The following ADORA2B variants were observed in gnomAD, a reference collection of about 807,000 sequenced individuals.
ADORA2B encodes the protein adenosine A2b receptor, also known as adenosine receptor A2b.
ADORA2B carries 18 observed loss-of-function variants against 20.8 expected under a neutral mutation model. The observed-to-expected ratio is 0.87, with a 90% CI of 0.60 to 1.29. The LOEUF (loss-of-function observed/expected upper bound fraction) is 1.29, where lower values mean the gene tolerates loss of function less well. Among genes scored for constraint, ADORA2B ranks in the 50% most tolerant of loss-of-function variants. The probability of loss-of-function intolerance (pLI) is 0.00; values close to 1 mark genes in which losing one functional copy is unlikely to be tolerated. For missense variants in ADORA2B, 441 were observed against 422.7 expected, an observed-to-expected ratio of 1.04 and a Z score of -0.38; for synonymous variants, 179 against 178.3, an observed-to-expected ratio of 1.00 and a Z score of -0.03.
upstream of ADORA2B, among the ~76,000 whole-genome samples, chr17:15,944,753 C>T (rs980448612): frequency 2.0e-5 from 3 of 152,108 alleles, no homozygotes; most frequent in Non-Finnish European, 2.9e-5. This position sits in a 1 kb window ranked among gnomAD's most constrained non-coding sequence, Gnocchi z 4.8. Flanking sequence ...GGAGTGAGCT[C>T]GCCCCGCCCG....
chr17:15,928,826 TGAG>T, the ADORA2B span, among the ~76,000 whole-genome samples: 3 of 151,746 alleles, frequency 2.0e-5, no homozygotes, highest in Non-Finnish European at 4.4e-5. Flanking sequence ...AAGGACAGTG[TGAG>T]GAGGATGAGA....
At chr17:15,961,834 T>TA (rs1480828243) in intron 1 of ADORA2B, among the ~76,000 whole-genome samples, 22 of 152,064 alleles carry the variant, frequency 1.4e-4, no homozygotes, top group African/African-American at 5.3e-4. Flanking sequence ...ACTCTTAAGA[T>TA]AAAAAACCCA....
the ADORA2B span, among the ~76,000 whole-genome samples, chr17:15,923,206 A>ATTTTT: frequency 0.021 from 2,382 of 113,018 alleles, 86 homozygotes; most frequent in African/African-American, 0.034. Context: ...TCTTTTTTTA[A>ATTTTT]TTTTTTTTTT....
At chr17:15,862,540 T>TA in the ADORA2B span, among the ~76,000 whole-genome samples, 1 of 152,188 alleles carries the variant, frequency 6.6e-6, no homozygotes, top group Non-Finnish European at 1.5e-5. Flanking sequence ...TTTGGTGTCT[T>TA]ACGCTATTTC....
At chr17:15,867,810 G>A in the ADORA2B span, among the ~76,000 whole-genome samples, 3 of 145,608 alleles carry the variant, frequency 2.1e-5, no homozygotes, top group East Asian at 2.0e-4. Context: ...GCCTCTGCCC[G>A]GCCGCCCCTA....
the ADORA2B span, among the ~76,000 whole-genome samples, chr17:15,857,475 T>G: frequency 3.9e-5 from 6 of 152,148 alleles, no homozygotes; most frequent in African/African-American, 1.4e-4. Context: ...GTGTGTACCG[T>G]GCACCCAGAA....
At chr17:15,944,957 C>T (rs1969778862), upstream of ADORA2B, 1 of 241,636 alleles carries the variant, frequency 4.1e-6, no homozygotes, top group East Asian at 8.5e-5. This position sits in a 1 kb window ranked among gnomAD's most constrained non-coding sequence, Gnocchi z 4.8. Context: ...AGACGCGGCA[C>T]GGCGCCTGGA....
the ADORA2B span, among the ~76,000 whole-genome samples, chr17:15,861,378 A>G: frequency 5.9e-5 from 9 of 152,050 alleles, no homozygotes; most frequent in Non-Finnish European, 1.0e-4. Context: ...CTCTGTCAGT[A>G]TTTGTTGGGT....
intron 1 of ADORA2B, among the ~76,000 whole-genome samples, chr17:15,949,846 C>G (rs951226554): frequency 1.1e-4 from 17 of 151,990 alleles, no homozygotes; most frequent in African/African-American, 3.9e-4. Context: ...TAGCGAAACT[C>G]TGTCTCAAAA....
the ADORA2B span, among the ~76,000 whole-genome samples, chr17:15,909,905 GCAGAGCCCTCCC>G: frequency 1.6e-4 from 24 of 152,340 alleles, no homozygotes; most frequent in African/African-American, 5.3e-4. Flanking sequence ...CTGAGTGGCA[GCAGAGCCCTCCC>G]CAGAGCCGCC....
chr17:15,958,342 T>C (rs1969996332), intron 1 of ADORA2B, among the ~76,000 whole-genome samples: 1 of 152,156 alleles, frequency 6.6e-6, no homozygotes, highest in African/African-American at 2.4e-5. Context: ...AAACTCTCCC[T>C]CCATTCACTT....
At chr17:15,866,845 G>C in the ADORA2B span, among the ~76,000 whole-genome samples, 1 of 152,128 alleles carries the variant, frequency 6.6e-6, no homozygotes, top group African/African-American at 2.4e-5. Context: ...GCCAAAGCTG[G>C]ACTGTACTGC....
the ADORA2B span, among the ~76,000 whole-genome samples, chr17:15,891,912 A>G: frequency 3.7e-5 from 5 of 134,060 alleles, no homozygotes; most frequent in Non-Finnish European, 7.6e-5. Flanking sequence ...CAGTGGTATG[A>G]TCTTGGCTCA....
At chr17:15,911,344 G>C in the ADORA2B span, among the ~76,000 whole-genome samples, 2 of 152,220 alleles carry the variant, frequency 1.3e-5, no homozygotes, top group Admixed American at 1.3e-4. Context: ...AAGTGGTTGA[G>C]TTGTTGGTTG....
chr17:15,875,442 T>C, the ADORA2B span, among the ~76,000 whole-genome samples: 6 of 152,382 alleles, frequency 3.9e-5, no homozygotes, highest in Admixed American at 3.9e-4. Context: ...ATTGTGGTTT[T>C]GTGTACCTGG....
the ADORA2B span, among the ~76,000 whole-genome samples, chr17:15,883,702 A>C: frequency 6.6e-6 from 1 of 152,238 alleles, no homozygotes; most frequent in South Asian, 2.1e-4. Flanking sequence ...GGCAGAGTCT[A>C]AGGTGGAAGA....
intron 1 of ADORA2B, among the ~76,000 whole-genome samples, chr17:15,949,035 C>G (rs1969856194): frequency 6.6e-6 from 1 of 151,684 alleles, no homozygotes; most frequent in Admixed American, 6.6e-5. Context: ...TGGTGAAACC[C>G]TGTCTCTACT....
intron 1 of ADORA2B, among the ~76,000 whole-genome samples, chr17:15,960,686 A>T (rs1193425066): frequency 6.6e-6 from 1 of 151,806 alleles, no homozygotes; most frequent in East Asian, 1.9e-4. Flanking sequence ...CCTGGCTAAC[A>T]CGGTGAAACC....
chr17:15,857,043 G>A, the ADORA2B span, among the ~76,000 whole-genome samples: 1 of 152,314 alleles, frequency 6.6e-6, no homozygotes, highest in East Asian at 1.9e-4. Context: ...TGGTTTTGTG[G>A]CCTGGGCCCA....
Sources: gnomAD v4.1 joint callset for allele counts (sites outside exome capture counted in the v4.1 genomes callset) on GRCh38, gnomAD v4.1.1 for gene constraint, Gnocchi (gnomAD v3.1) non-coding constraint, MANE v1.5 for transcripts, NCBI Gene and HGNC (gene_info 2026-07-23, HGNC 2026-07-21) for gene names.